RIN2: variants seen among roughly 807,000 people sequenced by gnomAD.
RIN2 encodes the protein RAB5 interacting protein 2.
RIN2 carries 36 observed loss-of-function variants against 78.0 expected under a neutral mutation model. The observed-to-expected ratio is 0.46, with a 90% CI of 0.35 to 0.61. The LOEUF (loss-of-function observed/expected upper bound fraction) is 0.61. Among genes scored for constraint, RIN2 ranks in the 20% least tolerant of loss-of-function variants. The probability of loss-of-function intolerance (pLI) is 0.00; values close to 1 mark genes in which losing one functional copy is unlikely to be tolerated. For missense variants in RIN2, 1,087 were observed against 1,159.7 expected (o/e 0.94, Z 0.91); for synonymous variants, 466 against 466.8 (o/e 1.00, Z 0.02).
Position 19,866,033 on chromosome 20 carries a change from T to C in RIN2, c.-36-23533T>C, listed in dbSNP as rs374554916. On this transcript the variant is annotated intron_variant, in intron 2 of 12. Transcript: ENST00000255006. ...TTTCTATTATTATTACATTGTAATA[T>C]ATAATTAAATAATTATACAAGTCAC... is the stretch of plus-strand genomic sequence containing the variant. Among the ~76,000 whole-genome samples, 53 of 152,190 alleles carry C rather than the reference T, an allele frequency of 3.5e-4. No individual in the cohort carries two copies. In the South Asian group the frequency reaches 0.01, roughly 30 times the overall value.
chr20:19,920,608 T>C (rs569820387), intron 3 of RIN2, among the ~76,000 whole-genome samples: 1 of 152,388 alleles, frequency 6.6e-6, no homozygotes, highest in East Asian at 1.9e-4. Flanking sequence ...TCTGTGAGCA[T>C]GCGCCAAATT....
intron 3 of RIN2, among the ~76,000 whole-genome samples, chr20:19,908,505 A>AG (rs1491506815): frequency 7.1e-6 from 1 of 141,746 alleles, no homozygotes; most frequent in Non-Finnish European, 1.6e-5. Context: ...AAAAAAAAAA[A>AG]GAAAGAAAGA....
At chr20:19,780,492 T>G (rs1038247609) in intron 1 of RIN2, among the ~76,000 whole-genome samples, 1 of 151,952 alleles carries the variant, frequency 6.6e-6, no homozygotes, top group African/African-American at 2.4e-5. Flanking sequence ...GAGATCTGGA[T>G]GTAATGAGCT....
At chr20:19,948,231 A>G (rs1481528068) in intron 4 of RIN2, among the ~76,000 whole-genome samples, 1 of 152,188 alleles carries the variant, frequency 6.6e-6, no homozygotes, top group East Asian at 1.9e-4. Flanking sequence ...TTCCCCTAGG[A>G]AAGCATCATT....
intron 2 of RIN2, among the ~76,000 whole-genome samples, chr20:19,824,154 C>T (rs968305914): frequency 1.3e-5 from 2 of 152,180 alleles, no homozygotes; most frequent in African/African-American, 4.8e-5. Flanking sequence ...TTCATCTAGG[C>T]TCCCTCCCAA....
At chr20:19,875,979 C>T (rs1006002474) in intron 2 of RIN2, among the ~76,000 whole-genome samples, 5 of 152,260 alleles carry the variant, frequency 3.3e-5, no homozygotes, top group Non-Finnish European at 4.4e-5. Flanking sequence ...AGGGCACAGC[C>T]GGGGTCCCTC....
chr20:19,919,524 T>A (rs2039823001), intron 3 of RIN2, among the ~76,000 whole-genome samples: 1 of 152,140 alleles, frequency 6.6e-6, no homozygotes, highest in East Asian at 1.9e-4. Context: ...CTTAAATTTG[T>A]GGCCAGGTGC....
chr20:19,782,557 A>T (rs1027399831), intron 1 of RIN2, among the ~76,000 whole-genome samples: 48 of 133,672 alleles, frequency 3.6e-4, no homozygotes, highest in Admixed American at 1.6e-3. Context: ...CTCTGTCTTA[A>T]AAAAAAAAAA....
intron 2 of RIN2, among the ~76,000 whole-genome samples, chr20:19,837,332 C>G (rs1212948072): frequency 6.6e-6 from 1 of 152,074 alleles, no homozygotes; most frequent in Non-Finnish European, 1.5e-5. Context: ...ATGAACTATT[C>G]AAAGAAAATT....
chr20:19,935,682 G>A (rs2146122840), intron 4 of RIN2: 1 of 928,068 alleles, frequency 1.1e-6, no homozygotes. Context: ...AACTGGATGT[G>A]GTTGTAAATT....
At chr20:19,955,789 G>A (rs2146231449) in intron 4 of RIN2, among the ~76,000 whole-genome samples, 1 of 152,266 alleles carries the variant, frequency 6.6e-6, no homozygotes, top group South Asian at 2.1e-4. Context: ...AAAATGCTTA[G>A]ATTTGTGAGA....
At chr20:19,888,319 C>T (rs6132241) in intron 2 of RIN2, among the ~76,000 whole-genome samples, 3,065 of 152,058 alleles carry the variant, frequency 0.02, 97 homozygotes, top group African/African-American at 0.071. Flanking sequence ...ATCGTGGGGC[C>T]GAAAAAAACC....
intron 2 of RIN2, among the ~76,000 whole-genome samples, chr20:19,841,937 A>G (rs1311241273): frequency 6.6e-6 from 1 of 152,260 alleles, no homozygotes; most frequent in East Asian, 1.9e-4. Context: ...ACAGATTTTC[A>G]TTGTAGATGA....
chr20:19,786,687 C>T (rs961255399), intron 1 of RIN2, among the ~76,000 whole-genome samples: 2 of 152,146 alleles, frequency 1.3e-5, no homozygotes, highest in Non-Finnish European at 2.9e-5. Flanking sequence ...ATGCATGAAG[C>T]GTGAAGATGC....
At chr20:19,871,258 CA>C (rs1325735813) in intron 2 of RIN2, among the ~76,000 whole-genome samples, 1 of 152,160 alleles carries the variant, frequency 6.6e-6, no homozygotes. Context: ...ATTTATTTTG[CA>C]AGAGCTGAAC....
intron 2 of RIN2, among the ~76,000 whole-genome samples, chr20:19,854,270 T>G (rs2037089866): frequency 1.3e-5 from 2 of 152,250 alleles, no homozygotes; most frequent in African/African-American, 4.8e-5. Context: ...CCATGCTGTT[T>G]TGGTTACTGT....
chr20:19,958,014 G>A (rs2041609850), intron 5 of RIN2, among the ~76,000 whole-genome samples: 1 of 152,232 alleles, frequency 6.6e-6, no homozygotes, highest in African/African-American at 2.4e-5. Context: ...GAAGCAAGGA[G>A]AAAATCCCAT....
intron 2 of RIN2, among the ~76,000 whole-genome samples, chr20:19,807,055 G>A (rs979136909): frequency 1.3e-5 from 2 of 152,324 alleles, no homozygotes; most frequent in Admixed American, 6.5e-5. Flanking sequence ...CTTAGCACAC[G>A]CTAAGTCCAG....
In RIN2 at chr20:19,867,914, C is replaced by T. The variant is rs534377826; in HGVS notation, c.-36-21652C>T. ...CTGTGCAGCTGGGTGAGCCGGCCTGCTCTCTGAACTGCAAGGCGTTTTCGT... is the reference window on the plus strand; with the variant it reads ...CTGTGCAGCTGGGTGAGCCGGCCTGTTCTCTGAACTGCAAGGCGTTTTCGT... On this transcript the variant is annotated intron_variant, in intron 2 of 12. Coordinates refer to ENST00000255006, the MANE Select transcript of RIN2 (RefSeq NM_018993.4). Among the ~76,000 whole-genome samples the T allele has an allele frequency of 5.3e-5, 8 of 152,350 alleles. No homozygotes were observed. In the South Asian group the frequency reaches 1.7e-3, roughly 32 times the overall value.
Sources: gnomAD v4.1 joint callset for allele counts (sites outside exome capture counted in the v4.1 genomes callset) on GRCh38, gnomAD v4.1.1 for gene constraint, MANE v1.5 for transcripts, NCBI Gene and HGNC (gene_info 2026-07-23, HGNC 2026-07-21) for gene names.